Variants in PAX5 observed in about 807,000 individuals in gnomAD.
The protein encoded by PAX5 is paired box protein Pax-5.
Under a neutral mutation model 43.7 loss-of-function variants are expected in PAX5, and 9 were observed. The ratio of observed to expected loss-of-function variants is 0.21; its 90% CI spans 0.12 to 0.36. PAX5 has a LOEUF of 0.36. Among genes scored for constraint, PAX5 ranks in the 10% least tolerant of loss-of-function variants. PAX5 has a pLI of 1.00. For synonymous variants in PAX5, 228 were observed against 214.3 expected (o/e 1.06, Z -0.56); for missense variants, 383 against 532.7 (o/e 0.72, Z 2.77).
In PAX5 at chr9:36,837,702, C is replaced by G. The variant is rs1344941653; in HGVS notation, c.*2858G>C. The G allele has an allele frequency of 1.3e-5, 3 of 233,190 alleles. No homozygotes were observed. The highest frequency in any genetic ancestry group is 2.5e-5 in the Non-Finnish European group (3 of 118,112). 14.4% of individuals were successfully genotyped at this position (233,190 alleles called of 1,614,324 possible). A position where few individuals can be genotyped will look rare whatever the true frequency, so the allele number is the denominator to read the frequency against. On this transcript the variant is annotated 3_prime_UTR_variant, in exon 10 of 10. Transcript: ENST00000358127. The stretch of plus-strand genomic sequence containing the variant: ...TGCGCTTGTGCTTCCGCCTGGCAGC[C>G]CAGGAGTCAAGTGGTTGTCTCACAA...
intron 5 of PAX5, among the ~76,000 whole-genome samples, chr9:36,981,318 G>A (rs1835911916): frequency 1.3e-5 from 2 of 150,854 alleles, no homozygotes; most frequent in Non-Finnish European, 2.9e-5. Context: ...TCACTCATGT[G>A]GGCAAACATT....
At chr9:36,840,913 T>C (rs928553543) in intron 9 of PAX5, among the ~76,000 whole-genome samples, 2 of 152,226 alleles carry the variant, frequency 1.3e-5, no homozygotes, top group Non-Finnish European at 1.5e-5. Context: ...AACATTTTAC[T>C]GGAACACAGT....
intron 1 of PAX5, among the ~76,000 whole-genome samples, chr9:37,024,053 C>G (rs529625295): frequency 3.3e-5 from 5 of 152,302 alleles, no homozygotes; most frequent in Admixed American, 6.5e-5. Flanking sequence ...ACCCAAGAAC[C>G]AGCTCCAGCT....
Position 36,900,197 on chromosome 9 carries a change from G to C in PAX5, c.911-18092C>G, listed in dbSNP as rs190008143. On this transcript the variant is annotated intron_variant, in intron 7 of 9. Coordinates refer to ENST00000358127, the MANE Select transcript of PAX5 (RefSeq NM_016734.3). ...TGATTTCCCAGCCTCCCTTGCGTGA[G>C]GGTGCAGGCATATTTTTGGGTCCCC... 2.2e-4 allele frequency among the ~76,000 whole-genome samples: 34 copies of C among 152,358 alleles called. No homozygotes were observed. In the East Asian group the frequency reaches 6.0e-3, roughly 27 times the overall value.
intron 6 of PAX5, among the ~76,000 whole-genome samples, chr9:36,955,809 A>C (rs1833422113): frequency 6.6e-6 from 1 of 150,550 alleles, no homozygotes. Context: ...ATATACCCAC[A>C]CACACATATA....
rs912449027 is a variant in PAX5 at position 36,840,210 on chromosome 9, T to G, written c.*350A>C. ...CTGAAGCAACAAAAGCAAGCTCTCC[T>G]TCCCAGGCTGGGGTGGTTATGATGG... On this transcript the variant is annotated 3_prime_UTR_variant, in exon 10 of 10. Coordinates refer to ENST00000358127, the MANE Select transcript of PAX5 (RefSeq NM_016734.3). 1.9e-5 allele frequency: 9 copies of G among 468,896 alleles called. No individual in the cohort carries two copies. The highest frequency in any genetic ancestry group is 1.2e-5 in the Non-Finnish European group (3 of 259,822). The allele number at this position is 468,896 out of a possible 1,614,324, so 29.0% of individuals were successfully genotyped here.
chr9:37,017,617 T>C (rs1482662035), intron 2 of PAX5, among the ~76,000 whole-genome samples: 6 of 152,214 alleles, frequency 3.9e-5, no homozygotes, highest in Non-Finnish European at 5.9e-5. Flanking sequence ...ACTCAAAATA[T>C]GTTAGTTGAA....
intron 5 of PAX5, among the ~76,000 whole-genome samples, chr9:36,985,524 G>C (rs1307538615): frequency 1.3e-5 from 2 of 152,212 alleles, no homozygotes; most frequent in Non-Finnish European, 2.9e-5. Flanking sequence ...GAGGGCGTCT[G>C]GGACGAATGG....
intron 1 of PAX5, among the ~76,000 whole-genome samples, chr9:37,022,566 T>C (rs1439615244): frequency 3.3e-5 from 5 of 152,190 alleles, no homozygotes; most frequent in Non-Finnish European, 7.3e-5. Context: ...GGAGTCCAGG[T>C]ATTATGGTCC....
chr9:36,947,280 C>T (rs1369238206), intron 6 of PAX5, among the ~76,000 whole-genome samples: 1 of 152,230 alleles, frequency 6.6e-6, no homozygotes, highest in Non-Finnish European at 1.5e-5. Flanking sequence ...TACACTGTGG[C>T]TCCAAACCTA....
At chr9:36,893,165 C>T (rs1473852566) in intron 7 of PAX5, among the ~76,000 whole-genome samples, 1 of 152,204 alleles carries the variant, frequency 6.6e-6, no homozygotes, top group Non-Finnish European at 1.5e-5. Flanking sequence ...CCAAGGGGCT[C>T]ACTCACACTC....
At chr9:37,025,557 T>A (rs1840260730) in intron 1 of PAX5, among the ~76,000 whole-genome samples, 1 of 152,226 alleles carries the variant, frequency 6.6e-6, no homozygotes, top group Admixed American at 6.5e-5. Context: ...TCCTCCAGCC[T>A]GGCTCTGCAG....
intron 5 of PAX5, among the ~76,000 whole-genome samples, chr9:36,985,707 A>G (rs1836337608): frequency 1.3e-5 from 2 of 152,298 alleles, no homozygotes; most frequent in Middle Eastern, 6.8e-3. Flanking sequence ...ACAGAGATGG[A>G]AGGAAGGCCT....
At chr9:36,858,468 A>G (rs1823876822) in intron 8 of PAX5, among the ~76,000 whole-genome samples, 1 of 152,194 alleles carries the variant, frequency 6.6e-6, no homozygotes, top group Non-Finnish European at 1.5e-5. Context: ...ATTGGTTTCC[A>G]GTCTTTCTGC....
chr9:36,954,107 A>C (rs766783599), intron 6 of PAX5, among the ~76,000 whole-genome samples: 3 of 152,054 alleles, frequency 2.0e-5, no homozygotes, highest in Non-Finnish European at 4.4e-5. Context: ...AATAATTCCA[A>C]AGTCTGAGTC....
intron 8 of PAX5, among the ~76,000 whole-genome samples, chr9:36,876,555 T>C (rs1022213910): frequency 6.6e-6 from 1 of 152,248 alleles, no homozygotes; most frequent in Non-Finnish European, 1.5e-5. Context: ...TGCAACCATG[T>C]TAAGATATTT....
At chr9:36,894,629 A>T (rs111464161) in intron 7 of PAX5, among the ~76,000 whole-genome samples, 1,984 of 152,266 alleles carry the variant, frequency 0.013, 43 homozygotes, top group African/African-American at 0.045. Flanking sequence ...AATGAGGACG[A>T]TCCTATCTTC....
intron 7 of PAX5, among the ~76,000 whole-genome samples, chr9:36,913,978 C>A (rs894232488): frequency 6.6e-6 from 1 of 152,142 alleles, no homozygotes; most frequent in Non-Finnish European, 1.5e-5. Context: ...GAGCCCCCCA[C>A]CCCCCAACAG....
chr9:36,893,641 A>C (rs1377421270), intron 7 of PAX5: 1 of 154,430 alleles, frequency 6.5e-6, no homozygotes, highest in African/African-American at 2.4e-5. Flanking sequence ...TATGGCTAGG[A>C]AACTGACATT....
Sources: gnomAD v4.1 joint callset for allele counts (sites outside exome capture counted in the v4.1 genomes callset) on GRCh38, gnomAD v4.1.1 for gene constraint, MANE v1.5 for transcripts, NCBI Gene and HGNC (gene_info 2026-07-23, HGNC 2026-07-21) for gene names.